DGKA: variants seen among roughly 807,000 people sequenced by gnomAD.
DGKA encodes the protein 80 kDa diacylglycerol kinase.
In DGKA, 35 loss-of-function variants were observed where a neutral mutation model predicts 105.0. The ratio of observed to expected loss-of-function variants is 0.33; its 90% CI spans 0.25 to 0.44. The LOEUF (loss-of-function observed/expected upper bound fraction) is 0.44, where lower values mean the gene tolerates loss of function less well. Among genes scored for constraint, DGKA ranks in the 20% least tolerant of loss-of-function variants. The pLI is 1.00. For synonymous variants in DGKA, 296 were observed against 332.0 expected, an observed-to-expected ratio of 0.89 and a Z score of 1.18; for missense variants, 665 against 915.0, an observed-to-expected ratio of 0.73 and a Z score of 3.53.
intron 3 of DGKA, 82 bp from the exon 4 acceptor site, chr12:55,937,326 T>C: frequency 6.6e-7 from 1 of 1,511,474 alleles, no homozygotes; most frequent in Non-Finnish European, 9.1e-7. Context: ...GCATTTATTA[T>C]CCCTGTCCCC....
At position 55,939,334 on chromosome 12, in the gene DGKA, T is replaced by G. The variant is rs764935814; in HGVS notation, c.594+29T>G. The G allele has an allele frequency of 4.3e-6, 7 of 1,612,868 alleles. No homozygotes were observed. The South Asian group carries it at 7.7e-5, about 18-fold the overall frequency. On this transcript the variant is annotated intron_variant, in intron 8 of 23. Transcript: ENST00000331886. ...AGTAGGAGAGACTTTGGGGGATGAG[T>G]AAGACAGCCTTGGGTTATGCTTGCC...
At chr12:55,950,925 A>G (rs1481622502) in intron 17 of DGKA, among the ~76,000 whole-genome samples, 1 of 152,076 alleles carries the variant, frequency 6.6e-6, no homozygotes, top group Non-Finnish European at 1.5e-5. Flanking sequence ...TTTTGTATCC[A>G]TTCAAAGATT....
rs753489972 is a variant in DGKA, at chr12:55,953,127, G to A, written c.2030G>A (p.Arg677His). Residue 677 changes from arginine (R) to histidine (H), a missense_variant, in exon 22 of 24, where the codon CGT (arginine) becomes CAT (histidine). Around this residue, in one of 3 missense-constraint regions of DGKA, gnomAD observed 158 missense variants for 213.4 expected, o/e 0.74. Coordinates refer to ENST00000331886, the MANE Select transcript of DGKA (RefSeq NM_001345.5). The part of the protein sequence containing the change: ...QIYTKLKNAG[R>H]RLAKCSEITF... The stretch of plus-strand genomic sequence containing the variant: ...TATACCAAGCTCAAGAATGCTGGAC[G>A]TCGGCTGGCCAAGTGCTCTGAGATC... 1.1e-5 allele frequency: 18 copies of A among 1,614,122 alleles called. No homozygotes were observed. The highest frequency in any genetic ancestry group is 4.5e-5 in the East Asian group (2 of 44,886).
chr12:55,952,043 T>C lies in DGKA; in HGVS notation c.1596T>C (p.Ser532=), dbSNP rs1401004244. 1.2e-6 allele frequency: 2 copies of C among 1,614,072 alleles called. No individual in the cohort carries two copies. Among genetic ancestry groups the C allele is most frequent in the Non-Finnish European group, 1.7e-6 (2 of 1,180,018 alleles). The change falls in exon 19 of 24, where the codon TCT becomes TCC. Residue 532 remains serine (S), a synonymous_variant. Transcript: ENST00000331886. This position sits in a 1 kb window ranked among gnomAD's most constrained non-coding sequence, Gnocchi z 5.1. ...TGTCCCGAACTCTCCAGGATGCCTCTATTGCTCATCGATTCCACATCATGC... is the reference window on the plus strand; with the variant it reads ...TGTCCCGAACTCTCCAGGATGCCTCCATTGCTCATCGATTCCACATCATGC... ...NNYFSIGVDA[S]IAHRFHIMRE...
chr12:55,936,281 A>G lies in DGKA; in HGVS notation c.-81-142A>G. On this transcript the variant is annotated intron_variant, in intron 1 of 23. Coordinates refer to ENST00000331886, the MANE Select transcript of DGKA (RefSeq NM_001345.5). ...GGCATAGGGAAGAGGGACACAGGGA[A>G]AGGAAGATGTTTAGGGAGGGACTAG... 3.2e-6 allele frequency: 3 copies of G among 931,080 alleles called. No individual in the cohort carries two copies. In the South Asian group the frequency reaches 6.0e-5, roughly 19 times the overall value. The allele number at this position is 931,080 out of a possible 1,614,324, so 57.7% of individuals were successfully genotyped here.
At position 55,940,863 on chromosome 12, in the gene DGKA, A is replaced by G. The variant is rs1412678955; in HGVS notation, c.1018-34A>G. On this transcript the variant is annotated intron_variant, in intron 12 of 23. Transcript: ENST00000331886. The surrounding 1 kb of genome is among the most constrained non-coding windows in gnomAD (Gnocchi z 4.3). The stretch of plus-strand genomic sequence containing the variant: ...CTATTTAGGGATTCATGCACAATAC[A>G]GCTTTTCTTCCCTCTACTTTCTTCC... The G allele has an allele frequency of 6.2e-7, 1 of 1,610,046 alleles. No individual in the cohort carries two copies. Among genetic ancestry groups the G allele is most frequent in the Non-Finnish European group, 8.5e-7 (1 of 1,176,608 alleles).
intron 18 of DGKA, 78 bp downstream of exon 18, chr12:55,951,861 G>A (rs964380044): frequency 1.3e-6 from 2 of 1,567,136 alleles, no homozygotes; most frequent in African/African-American, 2.7e-5. Flanking sequence ...CAGAAAAGGA[G>A]GGGGAGGTTA....
chr12:55,942,024 A>G lies in DGKA; in HGVS notation c.1277A>G (p.Asp426Gly). Residue 426 changes from aspartate to glycine, a missense_variant, in exon 16 of 24, where the codon GAT becomes GGT. This residue lies in a region of DGKA where 504 missense variants were observed against 681.2 expected (regional missense o/e 0.74). Coordinates refer to ENST00000331886, the MANE Select transcript of DGKA (RefSeq NM_001345.5). The part of the protein sequence containing the change: ...IGLRLFKDVP[D>G]SRILVCGGDG... ...CTCCGATTATTCAAGGATGTTCCTG[A>G]TAGCCGGATTTTGGTGTGTGGTGGA... 6.2e-7 allele frequency: 1 copy of G among 1,614,164 alleles called. No individual in the cohort carries two copies. The highest frequency in any genetic ancestry group is 8.5e-7 in the Non-Finnish European group (1 of 1,180,020).
intron 17 of DGKA, among the ~76,000 whole-genome samples, chr12:55,951,084 C>T (rs1490958217): frequency 6.6e-6 from 1 of 152,150 alleles, no homozygotes; most frequent in Non-Finnish European, 1.5e-5. Context: ...TTTCATGCTG[C>T]TCCTCCCTTT....
At chr12:55,948,002 G>C (rs2136382894) in intron 17 of DGKA, among the ~76,000 whole-genome samples, 1 of 152,214 alleles carries the variant, frequency 6.6e-6, no homozygotes, top group African/African-American at 2.4e-5. Flanking sequence ...TGTTGGCCAG[G>C]CTGATCTCGA....
intron 17 of DGKA, among the ~76,000 whole-genome samples, chr12:55,945,763 T>C (rs1328620417): frequency 4.0e-5 from 6 of 151,874 alleles, no homozygotes; most frequent in Non-Finnish European, 5.9e-5. Flanking sequence ...ACCCAGATGA[T>C]CCAGTATGAT....
intron 17 of DGKA, among the ~76,000 whole-genome samples, chr12:55,946,067 C>T (rs1263905365): frequency 6.6e-6 from 1 of 152,154 alleles, no homozygotes; most frequent in Non-Finnish European, 1.5e-5. Flanking sequence ...AGATTACAGG[C>T]GTGAGCTACC....
intron 17 of DGKA, chr12:55,942,705 C>G (rs1565748598): frequency 4.6e-6 from 1 of 218,594 alleles, no homozygotes; most frequent in African/African-American, 2.3e-5. Flanking sequence ...TTGCAATAGT[C>G]TCCTAACTGC....
At chr12:55,943,705 A>G (rs1886468638) in intron 17 of DGKA, among the ~76,000 whole-genome samples, 1 of 152,020 alleles carries the variant, frequency 6.6e-6, no homozygotes, top group Non-Finnish European at 1.5e-5. Flanking sequence ...AACTCGATGT[A>G]AGTAAAAGAT....
chr12:55,940,430 A>G lies in DGKA; in HGVS notation c.915A>G (p.Leu305=), dbSNP rs980096608. The change falls in exon 11 of 24, where the codon CTA becomes CTG. Residue 305 remains leucine (L), a synonymous_variant. Coordinates refer to ENST00000331886, the MANE Select transcript of DGKA (RefSeq NM_001345.5). This position sits in a 1 kb window ranked among gnomAD's most constrained non-coding sequence, Gnocchi z 4.3. ...LTGLHCVWCH[L]EIHDDCLQAV... ...GGCTGCATTGTGTATGGTGCCACCTAGAGGTCAGTTTGGGAGCCATCCCTT... is the reference window on the plus strand; with the variant it reads ...GGCTGCATTGTGTATGGTGCCACCTGGAGGTCAGTTTGGGAGCCATCCCTT... 34 of 1,614,036 alleles carry G rather than the reference A, an allele frequency of 2.1e-5. No homozygotes were observed. Among genetic ancestry groups the G allele is most frequent in the Non-Finnish European group, 2.7e-5 (32 of 1,180,040 alleles).
chr12:55,938,318 C>A (rs1885181173), intron 5 of DGKA, 193 bp from the exon 6 acceptor site: 2 of 756,056 alleles, frequency 2.6e-6, no homozygotes, highest in Non-Finnish European at 4.4e-6. Flanking sequence ...TATTGTCTCC[C>A]CTGACACATT....
At chr12:55,941,692 T>TCC (rs1221898800) in intron 15 of DGKA, 108 bp downstream of exon 15, 4 of 1,147,368 alleles carry the variant, frequency 3.5e-6, no homozygotes, top group Non-Finnish European at 3.9e-6. Context: ...GGGCTAGAGA[T>TCC]CCCCAAGAGG....
In DGKA at chr12:55,940,361, C is replaced by T; in HGVS notation, c.846C>T (p.Cys282=). ...WVRGGCESGR[C]DRCQKKIRIY... Reference sequence around the variant, plus strand: ...GAGGAGGCTGTGAGTCCGGGCGCTGCGACCGCTGTCAGAAAAAGATCCGGA... The same window carrying T: ...GAGGAGGCTGTGAGTCCGGGCGCTGTGACCGCTGTCAGAAAAAGATCCGGA... The change falls in exon 11 of 24, where the codon TGC becomes TGT. Residue 282 remains cysteine (C), a synonymous_variant. Transcript: ENST00000331886. This position sits in a 1 kb window ranked among gnomAD's most constrained non-coding sequence, Gnocchi z 4.3. The T allele has an allele frequency of 1.9e-6, 3 of 1,614,224 alleles. No individual in the cohort carries two copies. Among genetic ancestry groups the T allele is most frequent in the Middle Eastern group, 1.6e-4 (1 of 6,062 alleles).
upstream of DGKA, chr12:55,928,115 A>G: frequency 3.4e-6 from 1 of 295,868 alleles, no homozygotes; most frequent in Admixed American, 5.0e-5. Flanking sequence ...CGCCCATTTC[A>G]GCAACTGTTG....
Sources: allele counts gnomAD v4.1 joint callset (sites outside exome capture counted in the v4.1 genomes callset), GRCh38; gene constraint gnomAD v4.1.1; regional missense constraint gnomAD v4.1.1; non-coding constraint Gnocchi (gnomAD v3.1); transcripts MANE v1.5; gene names NCBI Gene and HGNC (gene_info 2026-07-23, HGNC 2026-07-21).